Variants in TPO observed in about 807,000 individuals in gnomAD.
TPO encodes the protein thyroid microsomal antigen.
A neutral mutation model predicts 96.9 loss-of-function variants in TPO; 78 were observed. The ratio of observed to expected loss-of-function variants is 0.81; its 90% confidence interval spans 0.67 to 0.97. The LOEUF is 0.97. TPO is among the 50% of genes least tolerant of loss of function. TPO has a pLI of 0.00. For synonymous variants in TPO, 547 were observed against 538.0 expected (o/e 1.02, Z -0.23); for missense variants, 1,252 against 1,274.8 (o/e 0.98, Z 0.27).
chr2:1,455,632 A>C (rs2148589751), intron 6 of TPO, among the ~76,000 whole-genome samples: 1 of 152,298 alleles, frequency 6.6e-6, no homozygotes, highest in Middle Eastern at 3.4e-3. Context: ...CACTCCTCCC[A>C]ACCCACGTTG....
At chr2:1,377,617 G>A (rs566126170) in intron 1 of TPO, among the ~76,000 whole-genome samples, 1 of 152,208 alleles carries the variant, frequency 6.6e-6, no homozygotes, top group Admixed American at 6.5e-5. Context: ...GGCTGCTTTC[G>A]GATCCTGTGT....
chr2:1,427,484 G>A (rs1202838299), intron 3 of TPO, among the ~76,000 whole-genome samples: 2 of 152,194 alleles, frequency 1.3e-5, no homozygotes, highest in Non-Finnish European at 2.9e-5. Flanking sequence ...GTGTGGGGGT[G>A]AGGGTGAGTG....
At chr2:1,405,861 T>C (rs1662243042) in intron 1 of TPO, among the ~76,000 whole-genome samples, 1 of 152,242 alleles carries the variant, frequency 6.6e-6, no homozygotes, top group African/African-American at 2.4e-5. Context: ...TTATTTTACT[T>C]AATAGAAGCA....
At chr2:1,408,660 A>G (rs1229668053), upstream of TPO, among the ~76,000 whole-genome samples, 1 of 152,192 alleles carries the variant, frequency 6.6e-6, no homozygotes, top group Admixed American at 6.5e-5. Context: ...AGCCGCAGAG[A>G]CCCGTGGGCT....
chr2:1,384,780 G>A (rs1325185942), intron 1 of TPO, among the ~76,000 whole-genome samples: 1 of 152,230 alleles, frequency 6.6e-6, no homozygotes, highest in Non-Finnish European at 1.5e-5. Context: ...GGGCATCCCT[G>A]TCTTGTGCCA....
chr2:1,386,775 G>T (rs968462084), intron 1 of TPO, among the ~76,000 whole-genome samples: 3 of 152,106 alleles, frequency 2.0e-5, no homozygotes, highest in Non-Finnish European at 4.4e-5. Flanking sequence ...TGGTTATTTT[G>T]CTCATTAGTT....
intron 5 of TPO, among the ~76,000 whole-genome samples, chr2:1,448,235 C>T (rs929614340): frequency 1.3e-5 from 2 of 152,372 alleles, no homozygotes; most frequent in African/African-American, 4.8e-5. Flanking sequence ...AGACTTCCTC[C>T]GGCCTCGCGT....
chr2:1,402,910 T>C (rs1013983603), intron 1 of TPO, among the ~76,000 whole-genome samples: 1 of 152,186 alleles, frequency 6.6e-6, no homozygotes, highest in Non-Finnish European at 1.5e-5. Flanking sequence ...TCCAGAAAGG[T>C]TCCCATCTGC....
At chr2:1,449,016 A>G (rs375245899) in intron 5 of TPO, among the ~76,000 whole-genome samples, 4 of 152,136 alleles carry the variant, frequency 2.6e-5, no homozygotes, top group African/African-American at 7.2e-5. Context: ...CAAAAAGCCA[A>G]CTTCCTCCAG....
chr2:1,426,581 G>GA (rs2148462807), intron 3 of TPO, among the ~76,000 whole-genome samples: 1 of 152,104 alleles, frequency 6.6e-6, no homozygotes, highest in Non-Finnish European at 1.5e-5. Context: ...CATATTCTCA[G>GA]AAGTCCATGC....
At chr2:1,498,595 G>A (rs1331645921) in intron 13 of TPO, among the ~76,000 whole-genome samples, 5 of 152,176 alleles carry the variant, frequency 3.3e-5, no homozygotes, top group Admixed American at 6.5e-5. Flanking sequence ...GCTGCATTTT[G>A]GGATTGGTCA....
chr2:1,424,510 A>C (rs1356438141), intron 3 of TPO, among the ~76,000 whole-genome samples: 2 of 152,150 alleles, frequency 1.3e-5, no homozygotes, highest in Non-Finnish European at 2.9e-5. Context: ...AGGACATTAG[A>C]ATTTTATTTT....
rs1465746868 is a variant in TPO, at chr2:1,457,903, TA to T, written c.819+1623del. Among the ~76,000 whole-genome samples the T allele has an allele frequency of 2.0e-5, 3 of 151,996 alleles. No homozygotes were observed. In the South Asian group the frequency reaches 6.2e-4, roughly 32 times the overall value. On this transcript the variant is annotated intron_variant, in intron 7 of 16. Transcript: ENST00000329066. ...GGTGGGCACGTGTGTATATGGCATA[TA>T]AGATAGTGTGTGGGCACGTGTGTAT... is the stretch of plus-strand genomic sequence containing the variant.
At chr2:1,494,125 T>A in intron 11 of TPO, 86 bp downstream of exon 11, 10 of 1,321,422 alleles carry the variant, frequency 7.6e-6, no homozygotes, top group Non-Finnish European at 1.1e-5. Context: ...CAGACCTGCA[T>A]TCACATTCCG....
At chr2:1,390,603 A>T (rs1573055738) in intron 1 of TPO, among the ~76,000 whole-genome samples, 1 of 152,230 alleles carries the variant, frequency 6.6e-6, no homozygotes, top group East Asian at 1.9e-4. Context: ...AGGGATCGCC[A>T]CACTGTCTTC....
At chr2:1,481,016 G>C (rs1301379807) in intron 8 of TPO, among the ~76,000 whole-genome samples, 1 of 151,652 alleles carries the variant, frequency 6.6e-6, no homozygotes, top group Non-Finnish European at 1.5e-5. Flanking sequence ...GCCGCCCTCT[G>C]TGCTGGTTCC....
chr2:1,490,550 A>G (rs1418527992), intron 10 of TPO, among the ~76,000 whole-genome samples: 1 of 151,614 alleles, frequency 6.6e-6, no homozygotes, highest in Non-Finnish European at 1.5e-5. Context: ...TTCGAAGCCC[A>G]CTGCATGTGT....
At chr2:1,422,171 T>G (rs1663620028) in intron 2 of TPO, among the ~76,000 whole-genome samples, 1 of 152,230 alleles carries the variant, frequency 6.6e-6, no homozygotes, top group Non-Finnish European at 1.5e-5. Flanking sequence ...TGTAAGAAAC[T>G]GGGTGGCCAA....
chr2:1,501,646 C>T (rs897838691), intron 13 of TPO, among the ~76,000 whole-genome samples: 2 of 152,200 alleles, frequency 1.3e-5, no homozygotes, highest in Non-Finnish European at 2.9e-5. Flanking sequence ...GTGCATCCTG[C>T]TCCAATGTGC....
Sources: gnomAD v4.1 joint callset for allele counts (sites outside exome capture counted in the v4.1 genomes callset) on GRCh38, gnomAD v4.1.1 for gene constraint, MANE v1.5 for transcripts, NCBI Gene and HGNC (gene_info 2026-07-23, HGNC 2026-07-21) for gene names.